The following MYO1C variants were observed in gnomAD, a reference collection of about 807,000 sequenced individuals.
MYO1C encodes unconventional myosin-Ic.
In MYO1C, 104 loss-of-function variants were observed where a neutral mutation model predicts 150.8. The ratio of observed to expected loss-of-function variants is 0.69; its 90% CI spans 0.59 to 0.81. The LOEUF (loss-of-function observed/expected upper bound fraction) is 0.81, where lower values mean the gene tolerates loss of function less well. MYO1C is among the 30% of genes least tolerant of loss of function. The pLI, the probability that MYO1C is intolerant of heterozygous loss-of-function variation, is 0.00. For synonymous variants in MYO1C, 663 were observed against 579.9 expected, an observed-to-expected ratio of 1.14 and a Z score of -2.06; for missense variants, 1,504 against 1,435.0, an observed-to-expected ratio of 1.05 and a Z score of -0.78.
chr17:1,480,144 CAAAAAAAAAAAA>C (rs34326248), intron 7 of MYO1C, among the ~76,000 whole-genome samples: 3 of 42,680 alleles, frequency 7.0e-5, no homozygotes, highest in South Asian at 1.1e-3. Flanking sequence ...GACTCCATCT[CAAAAAAAAAAAA>C]AAAAAAAAAA....
At chr17:1,468,157 A>T in intron 27 of MYO1C, 34 bp from the exon 28 acceptor site, 1 of 1,612,400 alleles carries the variant, frequency 6.2e-7, no homozygotes. Flanking sequence ...GGGGCTGGGG[A>T]GAGGCTCCCA....
At position 1,483,622 on chromosome 17, in the gene MYO1C, A is replaced by T; in HGVS notation, c.335T>A (p.Val112Glu). ...TGGGGTCACTCACAGGTGAGGGGGC[A>T]CTTCATAGAAGCTGACGCCACGGTA... ...ERYRGVSFYE[V>E]PPHLFAVADT... Residue 112 changes from valine (V) to glutamate (E), a missense_variant, in exon 3 of 32, where the codon GTG (valine) becomes GAG (glutamate). Transcript: ENST00000648651. 6.2e-7 allele frequency: 1 copy of T among 1,609,768 alleles called. No individual in the cohort carries two copies. Among genetic ancestry groups the T allele is most frequent in the Admixed American group, 1.7e-5 (1 of 59,320 alleles).
At chr17:1,489,648 C>T (rs1400142661) in intron 1 of MYO1C, among the ~76,000 whole-genome samples, 1 of 152,150 alleles carries the variant, frequency 6.6e-6, no homozygotes, top group African/African-American at 2.4e-5. Flanking sequence ...CTACTGCACT[C>T]CAGCCTGGGT....
At chr17:1,480,202 T>C (rs1335129642) in intron 7 of MYO1C, among the ~76,000 whole-genome samples, 3 of 144,188 alleles carry the variant, frequency 2.1e-5, no homozygotes, top group Non-Finnish European at 4.5e-5. Context: ...ATCCCAGCAC[T>C]TTGAGAGGCT....
chr17:1,466,467 A>G (rs1043937396), intron 31 of MYO1C, among the ~76,000 whole-genome samples: 2 of 151,784 alleles, frequency 1.3e-5, no homozygotes, highest in Admixed American at 6.6e-5. Context: ...AGTAGCTGGG[A>G]TTACAGGCAT....
intron 2 of MYO1C, among the ~76,000 whole-genome samples, 160 bp from the exon 3 acceptor site, chr17:1,483,885 A>G (rs962623542): frequency 2.0e-5 from 3 of 152,104 alleles, no homozygotes; most frequent in African/African-American, 4.8e-5. Flanking sequence ...TCTACTAAAA[A>G]TACAAAATTA....
At chr17:1,491,458 C>CCCT (rs1266305109) in intron 1 of MYO1C, 1 of 200,136 alleles carries the variant, frequency 5.0e-6, no homozygotes, top group African/African-American at 2.6e-5. Flanking sequence ...CCCCCCCCCC[C>CCCT]CGCACGGGTC....
chr17:1,479,450 A>T lies in MYO1C; in HGVS notation c.1073T>A (p.Ile358Asn). ...CCTCACCTCCTCCCCCTTGGCGATG[A>T]TCTTCCTGTGTGTCAGGGCTTCTCG... ...TLREALTHRKIIAKGEELLSP... is the reference protein window; with the variant it reads ...TLREALTHRKNIAKGEELLSP... Residue 358 changes from isoleucine to asparagine, a missense_variant, in exon 9 of 32, where the codon ATC becomes AAC. Physicochemically the swap from Ile to Asn is moderately radical, Grantham distance 149. Coordinates refer to ENST00000648651, the MANE Select transcript of MYO1C (RefSeq NM_001080779.2). This position sits in a 1 kb window ranked among gnomAD's most constrained non-coding sequence, Gnocchi z 4.2. The T allele has an allele frequency of 6.7e-7, 1 of 1,494,628 alleles. No homozygotes were observed. Among genetic ancestry groups the T allele is most frequent in the Non-Finnish European group, 9.1e-7 (1 of 1,098,398 alleles). 92.6% of individuals were successfully genotyped at this position (1,494,628 alleles called of 1,614,324 possible).
At chr17:1,474,550 C>T (rs1011048734) in intron 17 of MYO1C, 60 bp downstream of exon 17, 49 of 1,560,228 alleles carry the variant, frequency 3.1e-5, no homozygotes, top group Non-Finnish European at 4.0e-5. Context: ...CAGGCTCACA[C>T]AGGCCCTCAT....
At position 1,466,811 on chromosome 17, in the gene MYO1C, G is replaced by T. The variant is rs1339042553; in HGVS notation, c.3165+431C>A. Among the ~76,000 whole-genome samples the T allele has an allele frequency of 2.6e-5, 4 of 151,862 alleles. 1 individual carries two copies. Among genetic ancestry groups the T allele is most frequent in the African/African-American group, 9.7e-5 (4 of 41,310 alleles). Reference sequence around the variant, plus strand: ...CCGGCTAATTTTTGTGTTATTAGTAGAGATGGGGTTTCACGATGTTGGCCA... The same window carrying T: ...CCGGCTAATTTTTGTGTTATTAGTATAGATGGGGTTTCACGATGTTGGCCA... On this transcript the variant is annotated intron_variant, in intron 31 of 31. Coordinates refer to ENST00000648651, the MANE Select transcript of MYO1C (RefSeq NM_001080779.2).
chr17:1,470,122 C>A, intron 24 of MYO1C, 53 bp downstream of exon 24: 4 of 1,544,156 alleles, frequency 2.6e-6, no homozygotes, highest in Non-Finnish European at 3.5e-6. Flanking sequence ...GAAATCAGAC[C>A]CTTCTGCTGT....
intron 14 of MYO1C, among the ~76,000 whole-genome samples, chr17:1,476,938 G>A (rs757052858): frequency 1.3e-5 from 2 of 151,158 alleles, no homozygotes; most frequent in Non-Finnish European, 2.9e-5. Flanking sequence ...TCCCGGGTTC[G>A]AGCGATTCTC....
chr17:1,488,110 G>A (rs1017425919), intron 1 of MYO1C, among the ~76,000 whole-genome samples: 9 of 152,198 alleles, frequency 5.9e-5, no homozygotes, highest in African/African-American at 2.2e-4. Flanking sequence ...AGCCAGCGGG[G>A]GCGCGGCCAG....
At position 1,478,437 on chromosome 17, in the gene MYO1C, T is replaced by C. The variant is rs1259106574; in HGVS notation, c.1268A>G (p.Tyr423Cys). 1 of 1,614,114 alleles carries C rather than the reference T, an allele frequency of 6.2e-7. No homozygotes were observed. The highest frequency in any genetic ancestry group is 1.3e-5 in the African/African-American group (1 of 75,038). The change falls in exon 11 of 32, where the codon TAT (tyrosine) becomes TGT (cysteine). Residue 423 changes from tyrosine to cysteine, a missense_variant. By Grantham distance (194) the Tyr-to-Cys change is radical (BLOSUM62 -2). Transcript: ENST00000648651. This position sits in a 1 kb window ranked among gnomAD's most constrained non-coding sequence, Gnocchi z 6.3. ...STTVLGLLDI[Y>C]GFEVFQHNSF... is the part of the protein sequence containing the mutation. ...GTTATGCTGAAACACTTCAAAGCCATAAATATCCAGGAGCCCGAGAACCGT... is the reference window on the plus strand; with the variant it reads ...GTTATGCTGAAACACTTCAAAGCCACAAATATCCAGGAGCCCGAGAACCGT...
intron 17 of MYO1C, 30 bp downstream of exon 17, chr17:1,474,580 C>T (rs776858778): frequency 5.0e-6 from 8 of 1,605,140 alleles, no homozygotes; most frequent in South Asian, 3.3e-5. Context: ...GGCGCATGCA[C>T]CCCTGCGCCC....
rs1042843394 is a variant in MYO1C at position 1,478,793 on chromosome 17, G to A, written c.1093-58C>T. Reference sequence around the variant, plus strand: ...GCCACAGAGCCTGTGCATCCCACCTGCTCCCAGGCTCAGGCAGACCAGGAA... The same window carrying A: ...GCCACAGAGCCTGTGCATCCCACCTACTCCCAGGCTCAGGCAGACCAGGAA... On this transcript the variant is annotated intron_variant, in intron 9 of 31. Transcript: ENST00000648651. This position sits in a 1 kb window ranked among gnomAD's most constrained non-coding sequence, Gnocchi z 6.3. 9 of 1,606,086 alleles carry A rather than the reference G, an allele frequency of 5.6e-6. No individual in the cohort carries two copies. In the East Asian group the frequency reaches 1.1e-4, roughly 20 times the overall value.
Position 1,479,495 on chromosome 17 carries a change from C to G in MYO1C, c.1028G>C (p.Ser343Thr). ...TTCTCGCAGCGTCGAGCCTTCCACG[C>G]TGAGGAGCTGCCAAGGGCAGGCGAG... Reference protein sequence around the residue: ...NQLKYLTRLLSVEGSTLREAL... With the variant: ...NQLKYLTRLLTVEGSTLREAL... Residue 343 changes from serine (S) to threonine (T), a missense_variant, in exon 9 of 32, where the codon AGC (serine) becomes ACC (threonine). Physicochemically the swap from Ser to Thr is moderately conservative, Grantham distance 58. Transcript: ENST00000648651. The surrounding 1 kb of genome is among the most constrained non-coding windows in gnomAD (Gnocchi z 4.2). 1 of 1,522,648 alleles carries G rather than the reference C, an allele frequency of 6.6e-7. No homozygotes were observed. The highest frequency in any genetic ancestry group is 1.4e-5 in the African/African-American group (1 of 73,054). The allele number at this position is 1,522,648 out of a possible 1,614,324, so 94.3% of individuals were successfully genotyped here.
chr17:1,479,505 G>T lies in MYO1C; in HGVS notation c.1021-3C>A. The stretch of plus-strand genomic sequence containing the variant: ...GTCGAGCCTTCCACGCTGAGGAGCT[G>T]CCAAGGGCAGGCGAGGACACGGTGA... On this transcript the variant is annotated splice_polypyrimidine_tract_variant and splice_region_variant and intron_variant, in intron 8 of 31. Coordinates refer to ENST00000648651, the MANE Select transcript of MYO1C (RefSeq NM_001080779.2). This position sits in a 1 kb window ranked among gnomAD's most constrained non-coding sequence, Gnocchi z 4.2. The T allele has an allele frequency of 6.6e-7, 1 of 1,518,712 alleles. No individual in the cohort carries two copies. Among genetic ancestry groups the T allele is most frequent in the Admixed American group, 1.9e-5 (1 of 52,360 alleles). 94.1% of individuals were successfully genotyped at this position (1,518,712 alleles called of 1,614,324 possible).
In MYO1C at chr17:1,470,694, G is replaced by C; in HGVS notation, c.2213-5C>G. The C allele has an allele frequency of 3.1e-6, 5 of 1,602,216 alleles. No individual in the cohort carries two copies. Among genetic ancestry groups the C allele is most frequent in the Non-Finnish European group, 4.2e-6 (5 of 1,179,028 alleles). On this transcript the variant is annotated splice_polypyrimidine_tract_variant and splice_region_variant and intron_variant, in intron 21 of 31. Coordinates refer to ENST00000648651, the MANE Select transcript of MYO1C (RefSeq NM_001080779.2). ...AGGCAGCTTGGATCTTTGTGGCTGC[G>C]GTTGGGAAAGAAAGGCAATTGGCCA...
Sources: allele counts gnomAD v4.1 joint callset (sites outside exome capture counted in the v4.1 genomes callset), GRCh38; gene constraint gnomAD v4.1.1; non-coding constraint Gnocchi (gnomAD v3.1); transcripts MANE v1.5; gene names NCBI Gene and HGNC (gene_info 2026-07-23, HGNC 2026-07-21).